Variants in AIG1 observed in about 807,000 individuals in gnomAD.
The protein encoded by AIG1 is androgen induced 1, also known as androgen-induced gene 1 protein.
Under a neutral mutation model 31.4 loss-of-function variants are expected in AIG1, and 23 were observed. The ratio of observed to expected loss-of-function variants is 0.73; its 90% CI spans 0.53 to 1.04. The LOEUF (loss-of-function observed/expected upper bound fraction) is 1.04. Among genes scored for constraint, AIG1 ranks in the 50% least tolerant of loss-of-function variants. AIG1 has a pLI of 0.00. For missense variants in AIG1, 274 were observed against 295.0 expected, an observed-to-expected ratio of 0.93 and a Z score of 0.52; for synonymous variants, 100 against 110.5, an observed-to-expected ratio of 0.90 and a Z score of 0.60.
chr6:143,313,317 G>A (rs1307003101), intron 4 of AIG1, among the ~76,000 whole-genome samples: 5 of 152,244 alleles, frequency 3.3e-5, no homozygotes, highest in Admixed American at 6.5e-5. Flanking sequence ...TCCAAAAACA[G>A]ATGAATGGAT....
chr6:143,114,111 C>G (rs758471468), intron 1 of AIG1, among the ~76,000 whole-genome samples: 3 of 152,172 alleles, frequency 2.0e-5, no homozygotes, highest in Non-Finnish European at 2.9e-5. Flanking sequence ...AACAGAATTT[C>G]AAACCTAACA....
chr6:143,141,818 G>C (rs1583304593), intron 2 of AIG1, among the ~76,000 whole-genome samples: 4 of 152,258 alleles, frequency 2.6e-5, no homozygotes, highest in Admixed American at 2.6e-4. Flanking sequence ...TGTCTCCTGT[G>C]AGTTTGTTGA....
intron 3 of AIG1, among the ~76,000 whole-genome samples, chr6:143,201,095 T>C (rs1197055594): frequency 6.6e-6 from 1 of 152,156 alleles, no homozygotes; most frequent in Non-Finnish European, 1.5e-5. Flanking sequence ...AGAGAGTCCA[T>C]GGGACAATTC....
intron 1 of AIG1, among the ~76,000 whole-genome samples, chr6:143,115,898 G>A (rs758309860): frequency 6.6e-6 from 1 of 152,172 alleles, no homozygotes; most frequent in Non-Finnish European, 1.5e-5. Context: ...ACATTTTTCA[G>A]CTGTAATGTC....
intron 4 of AIG1, among the ~76,000 whole-genome samples, chr6:143,332,149 G>C (rs954578828): frequency 1.3e-5 from 2 of 152,102 alleles, no homozygotes; most frequent in Admixed American, 6.6e-5. Context: ...TGAGATTACA[G>C]ATGTGAGCCA....
intron 1 of AIG1, among the ~76,000 whole-genome samples, chr6:143,114,778 A>C (rs946608006): frequency 2.6e-5 from 4 of 152,194 alleles, no homozygotes; most frequent in Non-Finnish European, 5.9e-5. Context: ...TTTCTAAATC[A>C]TTATTTCTTC....
intron 3 of AIG1, among the ~76,000 whole-genome samples, chr6:143,282,129 A>G (rs568693394): frequency 1.3e-5 from 2 of 152,192 alleles, no homozygotes; most frequent in East Asian, 3.8e-4. Flanking sequence ...CTGATTGGTT[A>G]TTTATACAAC....
At chr6:143,086,203 C>G (rs140136676) in intron 1 of AIG1, among the ~76,000 whole-genome samples, 85 of 152,278 alleles carry the variant, frequency 5.6e-4, no homozygotes, top group African/African-American at 1.9e-3. Flanking sequence ...TCACTGTTTT[C>G]AGGCTACACC....
At chr6:143,194,727 G>T (rs1422054332) in intron 3 of AIG1, among the ~76,000 whole-genome samples, 1 of 152,192 alleles carries the variant, frequency 6.6e-6, no homozygotes, top group Non-Finnish European at 1.5e-5. Context: ...CTGAACGTGT[G>T]CTTGATGTCT....
chr6:143,295,546 A>T (rs1798365529), intron 4 of AIG1, among the ~76,000 whole-genome samples: 2 of 152,164 alleles, frequency 1.3e-5, no homozygotes, highest in African/African-American at 4.8e-5. Context: ...AATAAGCTTC[A>T]TCCACCTTCA....
intron 3 of AIG1, among the ~76,000 whole-genome samples, chr6:143,269,406 CTCTG>C (rs1033547617): frequency 6.6e-6 from 1 of 152,188 alleles, no homozygotes. Context: ...AACTCTTTGA[CTCTG>C]TCTGTTAAAG....
chr6:143,196,395 A>ACACACACACC (rs1554256854), intron 3 of AIG1, among the ~76,000 whole-genome samples: 14 of 136,756 alleles, frequency 1.0e-4, no homozygotes, highest in Non-Finnish European at 1.4e-4. Context: ...ACACACACAC[A>ACACACACACC]CCCCAATTTG....
chr6:143,210,481 G>T (rs577869969), intron 3 of AIG1, among the ~76,000 whole-genome samples: 19 of 152,190 alleles, frequency 1.2e-4, no homozygotes, highest in Non-Finnish European at 2.6e-4. Context: ...GTAGCAAGAG[G>T]TCAGGAACCT....
At chr6:143,171,468 A>AAT (rs1302518708) in intron 3 of AIG1, among the ~76,000 whole-genome samples, 4 of 103,854 alleles carry the variant, frequency 3.9e-5, no homozygotes, top group South Asian at 5.4e-4. Context: ...ATATATATTT[A>AAT]ATATATATAA....
At chr6:143,321,035 G>T (rs1776167624) in intron 4 of AIG1, among the ~76,000 whole-genome samples, 3 of 151,688 alleles carry the variant, frequency 2.0e-5, no homozygotes, top group African/African-American at 7.3e-5. Flanking sequence ...GGCCAGGCTG[G>T]TCTTGAACTC....
Position 143,136,815 on chromosome 6 carries a change from C to A in AIG1, c.142-20C>A. 7.4e-7 allele frequency: 1 copy of A among 1,354,888 alleles called. No individual in the cohort carries two copies. The highest frequency in any genetic ancestry group is 2.3e-5 in the South Asian group (1 of 43,048). The allele number at this position is 1,354,888 out of a possible 1,614,324, so 83.9% of individuals were successfully genotyped here. On this transcript the variant is annotated intron_variant, in intron 1 of 5. Coordinates refer to ENST00000357847, the MANE Select transcript of AIG1 (RefSeq NM_016108.4). ...GTCTCCAGATCTTAATGACTCATAC[C>A]GGCTGTTGTCCCCCTACAGGTTATC...
In AIG1 at chr6:143,194,562, T is replaced by C. The variant is rs9496536; in HGVS notation, c.399+29379T>C. On this transcript the variant is annotated intron_variant, in intron 3 of 5. Transcript: ENST00000357847. The stretch of plus-strand genomic sequence containing the variant: ...GGTGATCATAACTTGGGTTGACTTA[T>C]ACATTTCTCGAATCCATCTATTTAT... Among the ~76,000 whole-genome samples, 1,516 of 152,374 alleles carry C rather than the reference T, an allele frequency of 9.9e-3. 16 individuals are homozygous for C. Among genetic ancestry groups the C allele is most frequent in the African/African-American group, 0.033 (1,386 of 41,594 alleles).
intron 1 of AIG1, among the ~76,000 whole-genome samples, chr6:143,101,339 A>T (rs982013660): frequency 6.6e-6 from 1 of 152,204 alleles, no homozygotes; most frequent in African/African-American, 2.4e-5. Flanking sequence ...CATTCACAAC[A>T]TTGTGTAAAT....
At chr6:143,187,152 T>A (rs1407348007) in intron 3 of AIG1, among the ~76,000 whole-genome samples, 1 of 152,182 alleles carries the variant, frequency 6.6e-6, no homozygotes, top group African/African-American at 2.4e-5. Context: ...TAACAAAAAA[T>A]TAATGAAATT....
Sources: allele counts gnomAD v4.1 joint callset (sites outside exome capture counted in the v4.1 genomes callset), GRCh38; gene constraint gnomAD v4.1.1; transcripts MANE v1.5; gene names NCBI Gene and HGNC (gene_info 2026-07-23, HGNC 2026-07-21).